TPST1: variants seen among roughly 807,000 people sequenced by gnomAD.
TPST1 encodes protein-tyrosine sulfotransferase 1.
Under a neutral mutation model 34.8 loss-of-function variants are expected in TPST1, and 20 were observed. The ratio of observed to expected loss-of-function variants is 0.57; its 90% CI spans 0.40 to 0.84. The LOEUF is 0.84. Among genes scored for constraint, TPST1 ranks in the 40% least tolerant of loss-of-function variants. TPST1 has a pLI of 0.00. For synonymous variants in TPST1, 152 were observed against 159.4 expected (o/e 0.95, Z 0.35); for missense variants, 353 against 455.5 (o/e 0.78, Z 2.05).
intron 3 of TPST1, among the ~76,000 whole-genome samples, chr7:66,333,131 A>G (rs1489969282): frequency 1.3e-5 from 2 of 152,186 alleles, no homozygotes; most frequent in African/African-American, 4.8e-5. Context: ...ATTCTATGTA[A>G]TCCCACAGTT....
chr7:66,258,780 T>C (rs1184635617), intron 2 of TPST1, among the ~76,000 whole-genome samples: 1 of 152,224 alleles, frequency 6.6e-6, no homozygotes, highest in Non-Finnish European at 1.5e-5. Flanking sequence ...CACTGTGGTC[T>C]TTCCCAATTA....
In TPST1 at chr7:66,328,902, A is replaced by AT. The variant is rs1562847266; in HGVS notation, c.1045-23602dup. 1.0e-3 allele frequency among the ~76,000 whole-genome samples: 39 copies of AT among 38,578 alleles called. 1 individual carries two copies. The highest frequency in any genetic ancestry group is 1.8e-3 in the East Asian group (3 of 1,684). The allele number at this position is 38,578 out of a possible 152,430, so 25.3% of individuals were successfully genotyped here. On this transcript the variant is annotated intron_variant, in intron 3 of 5. Transcript: ENST00000304842. ...TCTCTCTCTCTATATATATATATATATATATTTTTTTTTTTTTTTTTTTTT... is the reference window on the plus strand; with the variant it reads ...TCTCTCTCTCTATATATATATATATATTATATTTTTTTTTTTTTTTTTTTTT...
chr7:66,238,908 T>C (rs781204598), intron 1 of TPST1, among the ~76,000 whole-genome samples: 5 of 152,252 alleles, frequency 3.3e-5, no homozygotes, highest in Non-Finnish European at 7.3e-5. Context: ...CTGTTTCATA[T>C]ACATGCTTCT....
intron 2 of TPST1, among the ~76,000 whole-genome samples, chr7:66,253,690 A>G (rs1332489296): frequency 6.6e-6 from 1 of 151,740 alleles, no homozygotes; most frequent in Non-Finnish European, 1.5e-5. Flanking sequence ...TTCTTCACTT[A>G]GTCTATCCTA....
intron 1 of TPST1, among the ~76,000 whole-genome samples, chr7:66,234,724 C>T (rs1315008601): frequency 1.3e-5 from 2 of 152,074 alleles, no homozygotes; most frequent in South Asian, 2.1e-4. Flanking sequence ...TCTCCCAGGT[C>T]GGAGTGCGGT....
At chr7:66,234,400 T>TAC (rs56139529) in intron 1 of TPST1, among the ~76,000 whole-genome samples, 34,012 of 142,872 alleles carry the variant, frequency 0.24, 4,437 homozygotes, top group East Asian at 0.32. Context: ...AAAGCATGGC[T>TAC]ACACACACAC....
At chr7:66,213,767 G>C (rs1034756300) in intron 1 of TPST1, among the ~76,000 whole-genome samples, 1 of 151,482 alleles carries the variant, frequency 6.6e-6, no homozygotes, top group African/African-American at 2.4e-5. Context: ...AAAGAATAAT[G>C]GCTACTTTAA....
At chr7:66,314,987 G>A (rs752157622) in intron 3 of TPST1, among the ~76,000 whole-genome samples, 1 of 152,030 alleles carries the variant, frequency 6.6e-6, no homozygotes, top group Admixed American at 6.6e-5. Context: ...CCACACCAAT[G>A]GTACAGTTAT....
intron 2 of TPST1, among the ~76,000 whole-genome samples, chr7:66,262,493 AG>A (rs1340851862): frequency 6.6e-6 from 1 of 152,132 alleles, no homozygotes; most frequent in Non-Finnish European, 1.5e-5. Context: ...CTTGTGTAGC[AG>A]TCTCCTCCCA....
intron 2 of TPST1, among the ~76,000 whole-genome samples, chr7:66,271,972 A>C (rs762475652): frequency 2.6e-5 from 4 of 152,226 alleles, no homozygotes; most frequent in African/African-American, 4.8e-5. Flanking sequence ...ACACTCTAGT[A>C]GATTCTTCAG....
chr7:66,207,693 C>T (rs963012316), intron 1 of TPST1, among the ~76,000 whole-genome samples: 1 of 152,118 alleles, frequency 6.6e-6, no homozygotes, highest in Non-Finnish European at 1.5e-5. Flanking sequence ...TTTTCAAAGA[C>T]GTCTATTTAG....
chr7:66,318,940 T>C (rs1183289943), intron 3 of TPST1, among the ~76,000 whole-genome samples: 1 of 152,254 alleles, frequency 6.6e-6, no homozygotes, highest in African/African-American at 2.4e-5. Flanking sequence ...AGTTTTGCAA[T>C]TGAGAAGTTA....
At chr7:66,264,161 G>A (rs536660380) in intron 2 of TPST1, among the ~76,000 whole-genome samples, 1 of 152,272 alleles carries the variant, frequency 6.6e-6, no homozygotes, top group African/African-American at 2.4e-5. Flanking sequence ...AGATCGGGGA[G>A]GACAGTAGTT....
At position 66,241,011 on chromosome 7, in the gene TPST1, C is replaced by T. The variant is rs866935176; in HGVS notation, c.586C>T (p.Arg196Ter). ...GRASVHSMIS[R>*]KVTIAGFDLN... ...GGCATCAGTACATTCAATGATTTCTCGAAAAGTTACTATAGCTGGATTTGA... is the reference window on the plus strand; with the variant it reads ...GGCATCAGTACATTCAATGATTTCTTGAAAAGTTACTATAGCTGGATTTGA... The change falls in exon 2 of 6, where the codon CGA becomes TGA. Residue 196 changes from arginine (R) to a stop codon, truncating the protein, a stop_gained. Coordinates refer to ENST00000304842, the MANE Select transcript of TPST1 (RefSeq NM_003596.4). LOFTEE classifies it high-confidence loss of function. 1.9e-6 allele frequency: 3 copies of T among 1,614,044 alleles called. No homozygotes were observed. The highest frequency in any genetic ancestry group is 8.5e-7 in the Non-Finnish European group (1 of 1,180,038).
In TPST1 at chr7:66,348,450, A is replaced by T. The variant is rs549046891; in HGVS notation, c.1045-4055A>T. 3.3e-5 allele frequency among the ~76,000 whole-genome samples: 5 copies of T among 152,360 alleles called. 1 individual carries two copies. In the South Asian group the frequency reaches 8.3e-4, roughly 25 times the overall value. On this transcript the variant is annotated intron_variant, in intron 3 of 5. Transcript: ENST00000304842. ...GAGGCACTTACTTAATACCAACCTG[A>T]TGCACAGAAAATAGTAAAGTTTAGC...
chr7:66,328,882 C>A (rs538534888), intron 3 of TPST1, among the ~76,000 whole-genome samples: 28 of 29,910 alleles, frequency 9.4e-4, no homozygotes, highest in South Asian at 4.3e-3. Context: ...CTCTCTCTCT[C>A]TCTCTATATA....
At chr7:66,331,410 T>G (rs551839104) in intron 3 of TPST1, among the ~76,000 whole-genome samples, 1 of 152,278 alleles carries the variant, frequency 6.6e-6, no homozygotes, top group African/African-American at 2.4e-5. Context: ...TCTGACGATT[T>G]TTCCTATAAC....
chr7:66,325,622 T>G (rs1791849438), intron 3 of TPST1, among the ~76,000 whole-genome samples: 1 of 151,934 alleles, frequency 6.6e-6, no homozygotes, highest in Non-Finnish European at 1.5e-5. Context: ...CCCAGCTGCC[T>G]ATACAGTGTT....
At chr7:66,305,079 A>T (rs751285519) in intron 3 of TPST1, among the ~76,000 whole-genome samples, 12 of 152,236 alleles carry the variant, frequency 7.9e-5, no homozygotes, top group Non-Finnish European at 1.8e-4. Context: ...TTAGCCTCTC[A>T]ACGTGTTAGG....
Sources: gnomAD v4.1 joint callset for allele counts (sites outside exome capture counted in the v4.1 genomes callset) on GRCh38, gnomAD v4.1.1 for gene constraint, MANE v1.5 for transcripts, NCBI Gene and HGNC (gene_info 2026-07-23, HGNC 2026-07-21) for gene names.